The following MTRFR variants were observed in gnomAD, a reference collection of about 807,000 sequenced individuals.
MTRFR encodes the protein probable peptide chain release factor C12orf65, mitochondrial.
Under a neutral mutation model 11.9 loss-of-function variants are expected in MTRFR, and 10 were observed. That is an observed-to-expected ratio of 0.84 (90% CI 0.52 to 1.42). The LOEUF is 1.42. MTRFR is among the 40% of genes most tolerant of loss of function. The pLI, the probability that MTRFR is intolerant of heterozygous loss-of-function variation, is 0.00. For synonymous variants in MTRFR, 77 were observed against 79.1 expected (o/e 0.97, Z 0.14); for missense variants, 196 against 197.9 (o/e 0.99, Z 0.06).
chr12:123,237,019 A>C (rs1593271096), intron 1 of MTRFR, among the ~76,000 whole-genome samples: 1 of 152,106 alleles, frequency 6.6e-6, no homozygotes, highest in Non-Finnish European at 1.5e-5. Context: ...TGGAAGGCGG[A>C]GGTTGCAGTG....
chr12:123,254,162 G>A, intron 2 of MTRFR: 2 of 588,934 alleles, frequency 3.4e-6, no homozygotes, highest in East Asian at 2.9e-5. Flanking sequence ...TCCTACAACA[G>A]CCTGGGAAGC....
intron 1 of MTRFR, among the ~76,000 whole-genome samples, chr12:123,253,118 C>A (rs2048136557): frequency 1.3e-5 from 1 of 76,126 alleles, no homozygotes; most frequent in Non-Finnish European, 2.6e-5. Context: ...GAGACACTGT[C>A]TCGCTCTGTT....
At chr12:123,244,852 C>T (rs2048010801) in intron 1 of MTRFR, among the ~76,000 whole-genome samples, 3 of 149,926 alleles carry the variant, frequency 2.0e-5, no homozygotes, top group Admixed American at 6.7e-5. Flanking sequence ...AGGCTGGTCT[C>T]GAACTCCTGA....
intron 1 of MTRFR, chr12:123,250,187 T>C (rs191332809): frequency 2.0e-5 from 3 of 152,184 alleles, no homozygotes; most frequent in African/African-American, 4.8e-5. Context: ...CCAGAGCATT[T>C]TGCATTTCTA....
chr12:123,235,878 A>G lies in MTRFR; in HGVS notation c.-29+2347A>G, dbSNP rs538127824. On this transcript the variant is annotated intron_variant, in intron 1 of 2. Transcript: ENST00000253233. ...CAGGAGTTCGAGACCAGCCTGGCCA[A>G]CATGGTGAAACCCCATCTGGGCTAA... Among the ~76,000 whole-genome samples, 14 of 151,866 alleles carry G rather than the reference A, an allele frequency of 9.2e-5. No individual in the cohort carries two copies. The South Asian group carries it at 2.9e-3, about 32-fold the overall frequency.
At chr12:123,255,829 G>A (rs555889138) in intron 2 of MTRFR, among the ~76,000 whole-genome samples, 7 of 152,276 alleles carry the variant, frequency 4.6e-5, no homozygotes, top group Admixed American at 4.6e-4. Context: ...GTTTCACCAT[G>A]TTGGCCAGGC....
intron 2 of MTRFR, chr12:123,255,030 C>T (rs1160370632): frequency 1.3e-5 from 2 of 152,016 alleles, no homozygotes; most frequent in Non-Finnish European, 2.9e-5. Context: ...GAGAGATAGC[C>T]AAGGCAGGTG....
In MTRFR at chr12:123,242,284, C is replaced by T. The variant is rs977647691; in HGVS notation, c.-29+8753C>T. On this transcript the variant is annotated intron_variant, in intron 1 of 2. Transcript: ENST00000253233. ...GAGTCAGGGTAGAGCGCCAGCCCTACGCCGAAGCTCACGTTTGAAGAAGGG... is the reference window on the plus strand; with the variant it reads ...GAGTCAGGGTAGAGCGCCAGCCCTATGCCGAAGCTCACGTTTGAAGAAGGG... Among the ~76,000 whole-genome samples the T allele has an allele frequency of 7.2e-5, 11 of 152,172 alleles. 1 individual carries two copies. In the South Asian group the frequency reaches 8.3e-4, roughly 11 times the overall value.
chr12:123,253,425 T>C (rs1565997655), intron 1 of MTRFR: 3 of 506,438 alleles, frequency 5.9e-6, no homozygotes, highest in Non-Finnish European at 1.1e-5. Flanking sequence ...CAAGAAAATA[T>C]GTATTAGCTG....
At chr12:123,248,221 G>A (rs1389013383) in intron 1 of MTRFR, 1 of 146,030 alleles carries the variant, frequency 6.8e-6, no homozygotes, top group Non-Finnish European at 1.5e-5. Context: ...CTTCATATGT[G>A]ATACTTAGTT....
At chr12:123,233,222 A>G (rs1250376551), upstream of MTRFR, 2 of 152,122 alleles carry the variant, frequency 1.3e-5, no homozygotes, top group Non-Finnish European at 1.5e-5. Flanking sequence ...GCGCGCGTCC[A>G]CCTCGCCGTT....
intron 1 of MTRFR, among the ~76,000 whole-genome samples, chr12:123,239,534 C>G (rs896988942): frequency 2.0e-5 from 3 of 152,124 alleles, no homozygotes; most frequent in African/African-American, 7.2e-5. Flanking sequence ...TCCCAAGTAG[C>G]TGGGACTACA....
At chr12:123,248,071 T>C (rs2048067038) in intron 1 of MTRFR, among the ~76,000 whole-genome samples, 1 of 152,228 alleles carries the variant, frequency 6.6e-6, no homozygotes, top group African/African-American at 2.4e-5. Flanking sequence ...CTGTGTGATT[T>C]ATGCTTTAAA....
chr12:123,255,205 C>T (rs968960660), intron 2 of MTRFR, among the ~76,000 whole-genome samples: 2 of 152,148 alleles, frequency 1.3e-5, no homozygotes, highest in Non-Finnish European at 2.9e-5. Context: ...AAGTGACCTG[C>T]CCAAGGTCCT....
intron 1 of MTRFR, among the ~76,000 whole-genome samples, chr12:123,241,931 G>A (rs1012023909): frequency 6.6e-6 from 1 of 152,168 alleles, no homozygotes. Flanking sequence ...AAGCTCTCCA[G>A]GAGGATGAGG....
At chr12:123,245,273 G>T (rs771109388) in intron 1 of MTRFR, among the ~76,000 whole-genome samples, 4 of 152,114 alleles carry the variant, frequency 2.6e-5, no homozygotes, top group Non-Finnish European at 1.5e-5. Context: ...ACGCTGTTTT[G>T]GTGACTATGG....
intron 1 of MTRFR, chr12:123,240,458 T>A (rs1433772041): frequency 6.6e-6 from 1 of 152,176 alleles, no homozygotes; most frequent in African/African-American, 2.4e-5. Flanking sequence ...AAAGTTTGCA[T>A]GGGGAGACTG....
chr12:123,244,190 T>TG (rs1362416902), intron 1 of MTRFR, among the ~76,000 whole-genome samples: 3 of 152,164 alleles, frequency 2.0e-5, no homozygotes, highest in South Asian at 4.1e-4. Context: ...CCCAGCACTT[T>TG]GGGAGGCTGA....
intron 1 of MTRFR, among the ~76,000 whole-genome samples, chr12:123,247,030 A>G (rs1266719746): frequency 6.6e-6 from 1 of 151,956 alleles, no homozygotes; most frequent in Non-Finnish European, 1.5e-5. Flanking sequence ...CTCACGCCTA[A>G]TTTCAATTTT....
Sources: allele counts gnomAD v4.1 joint callset (sites outside exome capture counted in the v4.1 genomes callset), GRCh38; gene constraint gnomAD v4.1.1; transcripts MANE v1.5; gene names NCBI Gene and HGNC (gene_info 2026-07-23, HGNC 2026-07-21).